The following LPP variants were observed in gnomAD, a reference collection of about 807,000 sequenced individuals.
LPP encodes lipoma-preferred partner.
A neutral mutation model predicts 60.4 loss-of-function variants in LPP; 38 were observed. The ratio of observed to expected loss-of-function variants is 0.63; its 90% CI spans 0.49 to 0.83. The LOEUF (loss-of-function observed/expected upper bound fraction) is 0.83. LPP is among the 40% of genes least tolerant of loss of function. LPP has a pLI of 0.00. For synonymous variants in LPP, 328 were observed against 290.8 expected (o/e 1.13, Z -1.30); for missense variants, 902 against 783.6 (o/e 1.15, Z -1.80).
At chr3:188,624,267 G>A (rs1846350662) in intron 7 of LPP, among the ~76,000 whole-genome samples, 4 of 152,284 alleles carry the variant, frequency 2.6e-5, no homozygotes, top group Admixed American at 2.0e-4. Flanking sequence ...CCGTTGAAGA[G>A]CTGATCAGAG....
At chr3:188,780,541 C>T (rs1232227480) in intron 9 of LPP, among the ~76,000 whole-genome samples, 1 of 152,178 alleles carries the variant, frequency 6.6e-6, no homozygotes, top group African/African-American at 2.4e-5. Flanking sequence ...AATTCAAGCT[C>T]AGGGCTGCTG....
intron 6 of LPP, among the ~76,000 whole-genome samples, chr3:188,607,386 T>G (rs1842643579): frequency 1.6e-4 from 3 of 19,180 alleles, no homozygotes; most frequent in African/African-American, 6.2e-4. Flanking sequence ...TATATATATA[T>G]ATATATATAT....
intron 6 of LPP, among the ~76,000 whole-genome samples, chr3:188,577,657 G>T (rs1834943134): frequency 6.6e-6 from 1 of 151,316 alleles, no homozygotes; most frequent in Non-Finnish European, 1.5e-5. Flanking sequence ...TATCTACAAA[G>T]GCAAATTAAA....
chr3:188,607,413 ATATAAT>A (rs1842716164), intron 6 of LPP, among the ~76,000 whole-genome samples: 3 of 36,660 alleles, frequency 8.2e-5, no homozygotes, highest in Admixed American at 2.7e-4. Flanking sequence ...ATATATATAT[ATATAAT>A]TTTTTTTTCC....
At chr3:188,621,011 TTA>T (rs997662773) in intron 7 of LPP, among the ~76,000 whole-genome samples, 4 of 152,192 alleles carry the variant, frequency 2.6e-5, no homozygotes, top group African/African-American at 9.6e-5. Context: ...AGAGTTCCTA[TTA>T]TCAAGAGTTG....
chr3:188,606,372 A>G (rs1046073118), intron 6 of LPP, among the ~76,000 whole-genome samples: 1 of 152,208 alleles, frequency 6.6e-6, no homozygotes, highest in African/African-American at 2.4e-5. Context: ...TCTCAAATAT[A>G]GTTTCCTAGG....
chr3:188,687,965 C>T (rs768250707), intron 7 of LPP, among the ~76,000 whole-genome samples: 11 of 151,986 alleles, frequency 7.2e-5, no homozygotes, highest in Admixed American at 4.6e-4. Context: ...TTAGTAGAGA[C>T]GGGGTTTCAC....
At chr3:188,238,550 T>C (rs578118966) in intron 2 of LPP, among the ~76,000 whole-genome samples, 1 of 152,222 alleles carries the variant, frequency 6.6e-6, no homozygotes, top group East Asian at 1.9e-4. Flanking sequence ...ATTGTAGGGT[T>C]ATTAATTGGC....
At chr3:188,458,857 T>G (rs1195048358) in intron 4 of LPP, among the ~76,000 whole-genome samples, 2 of 151,942 alleles carry the variant, frequency 1.3e-5, no homozygotes, top group Non-Finnish European at 2.9e-5. Flanking sequence ...TCGTGGCCGA[T>G]TTCTTTCTTT....
chr3:188,239,010 A>G (rs2149426183), intron 2 of LPP, among the ~76,000 whole-genome samples: 1 of 152,384 alleles, frequency 6.6e-6, no homozygotes, highest in South Asian at 2.1e-4. Context: ...TTTGTGATTC[A>G]AAGAATCCAC....
chr3:188,240,367 G>A (rs1344013336), intron 2 of LPP, among the ~76,000 whole-genome samples: 1 of 147,922 alleles, frequency 6.8e-6, no homozygotes, highest in Non-Finnish European at 1.5e-5. Flanking sequence ...GTGTGTGTGT[G>A]TGTGTGTGTG....
At position 188,775,153 on chromosome 3, in the gene LPP, A is replaced by G. The variant is rs541201969; in HGVS notation, c.1410+14871A>G. Among the ~76,000 whole-genome samples, 78 of 151,402 alleles carry G rather than the reference A, an allele frequency of 5.2e-4. 1 individual carries two copies. Among genetic ancestry groups the G allele is most frequent in the African/African-American group, 1.5e-3 (61 of 41,240 alleles). ...CTGCAGCCTCCACCTCCCAGATTCA[A>G]GCGATTCTCCTGCCTCAGCCTTCTC... is the stretch of plus-strand genomic sequence containing the variant. On this transcript the variant is annotated intron_variant, in intron 9 of 11. Transcript: ENST00000617246.
intron 6 of LPP, among the ~76,000 whole-genome samples, chr3:188,545,647 T>C (rs1043211488): frequency 1.3e-4 from 19 of 151,962 alleles, no homozygotes; most frequent in African/African-American, 4.4e-4. Context: ...GCGACTAGAG[T>C]TGTGTGTCAG....
intron 2 of LPP, among the ~76,000 whole-genome samples, chr3:188,313,647 AAAAAT>A (rs1389571526): frequency 5.3e-5 from 8 of 150,570 alleles, no homozygotes; most frequent in African/African-American, 1.7e-4. Context: ...AAAAAAAAAA[AAAAAT>A]AAAATAAAAT....
At chr3:188,495,082 A>ATATATATATATATATATATT (rs1342207321) in intron 5 of LPP, among the ~76,000 whole-genome samples, 4 of 97,264 alleles carry the variant, frequency 4.1e-5, no homozygotes, top group African/African-American at 8.0e-5. Context: ...ATATATATAT[A>ATATATATATATATATATATT]TTTTATTTAT....
chr3:188,523,803 C>A (rs766359489), intron 5 of LPP, among the ~76,000 whole-genome samples: 60 of 152,196 alleles, frequency 3.9e-4, no homozygotes, highest in Non-Finnish European at 1.2e-4. Flanking sequence ...TTAAGAGCTT[C>A]TTCCATATTC....
At chr3:188,461,015 A>G (rs1798846342) in intron 4 of LPP, among the ~76,000 whole-genome samples, 1 of 152,200 alleles carries the variant, frequency 6.6e-6, no homozygotes, top group Non-Finnish European at 1.5e-5. Context: ...GAAGGTGATA[A>G]TCAGGGATAC....
At chr3:188,333,767 G>A (rs1230083621) in intron 2 of LPP, among the ~76,000 whole-genome samples, 3 of 152,046 alleles carry the variant, frequency 2.0e-5, no homozygotes, top group Admixed American at 1.3e-4. Context: ...AATTGTACAT[G>A]TTTACGGGGT....
chr3:188,719,796 T>A (rs960728762), intron 8 of LPP, among the ~76,000 whole-genome samples: 1 of 152,200 alleles, frequency 6.6e-6, no homozygotes, highest in African/African-American at 2.4e-5. Context: ...CAGATAAGCA[T>A]CTCCTTACAG....
Sources: allele counts gnomAD v4.1 joint callset (sites outside exome capture counted in the v4.1 genomes callset), GRCh38; gene constraint gnomAD v4.1.1; transcripts MANE v1.5; gene names NCBI Gene and HGNC (gene_info 2026-07-23, HGNC 2026-07-21).